DSCAM: variants seen among roughly 807,000 people sequenced by gnomAD.
DSCAM encodes the protein cell adhesion molecule DSCAM.
A neutral mutation model predicts 217.7 loss-of-function variants in DSCAM; 47 were observed. The ratio of observed to expected loss-of-function variants is 0.22; its 90% CI spans 0.17 to 0.28. The LOEUF is 0.28. DSCAM is among the 10% of genes least tolerant of loss of function. DSCAM has a pLI of 1.00. For synonymous variants in DSCAM, 1,056 were observed against 1,015.3 expected (o/e 1.04, Z -0.76); for missense variants, 2,080 against 2,618.3 (o/e 0.79, Z 4.49).
intron 20 of DSCAM, among the ~76,000 whole-genome samples, chr21:40,104,881 A>T (rs1193966309): frequency 6.6e-6 from 1 of 152,184 alleles, no homozygotes; most frequent in African/African-American, 2.4e-5. Context: ...CAAGTTTTTT[A>T]AAGGCATTTT....
chr21:40,168,043 AGAGT>A (rs1245351711), intron 15 of DSCAM, among the ~76,000 whole-genome samples: 2 of 152,252 alleles, frequency 1.3e-5, no homozygotes, highest in Non-Finnish European at 2.9e-5. Flanking sequence ...CCTGGGCGAC[AGAGT>A]GAGACTCCAT....
chr21:40,045,447 C>A (rs1405497749), intron 30 of DSCAM, among the ~76,000 whole-genome samples: 2 of 152,132 alleles, frequency 1.3e-5, no homozygotes, highest in African/African-American at 2.4e-5. Context: ...AAATCTGGAA[C>A]CAAAGGCAGC....
At chr21:40,728,844 T>G (rs754895314) in intron 1 of DSCAM, among the ~76,000 whole-genome samples, 7 of 152,160 alleles carry the variant, frequency 4.6e-5, no homozygotes, top group Non-Finnish European at 7.3e-5. Flanking sequence ...CTGCACTAGG[T>G]GAGAAGTCAG....
chr21:40,304,829 T>G (rs937779663), intron 9 of DSCAM, among the ~76,000 whole-genome samples: 4 of 152,156 alleles, frequency 2.6e-5, no homozygotes, highest in African/African-American at 9.7e-5. Context: ...ACAACATTTA[T>G]CGATTAAGTT....
At chr21:40,844,295 T>C (rs1056592331) in intron 1 of DSCAM, among the ~76,000 whole-genome samples, 9 of 152,208 alleles carry the variant, frequency 5.9e-5, no homozygotes, top group African/African-American at 2.2e-4. Context: ...CACCATACCT[T>C]AGAAAACTGT....
intron 3 of DSCAM, among the ~76,000 whole-genome samples, chr21:40,528,342 G>C (rs897349512): frequency 6.6e-6 from 1 of 152,126 alleles, no homozygotes; most frequent in African/African-American, 2.4e-5. Flanking sequence ...TTGGCCTCCA[G>C]TTCTCATAAT....
rs547417600 is a variant in DSCAM at position 40,036,985 on chromosome 21, C to G, written c.5686+5386G>C. Among the ~76,000 whole-genome samples, 935 of 150,754 alleles carry G rather than the reference C, an allele frequency of 6.2e-3. 87 individuals carry two copies. The highest frequency in any genetic ancestry group is 0.022 in the African/African-American group (893 of 40,094). On this transcript the variant is annotated intron_variant, in intron 32 of 32. Coordinates refer to ENST00000400454, the MANE Select transcript of DSCAM (RefSeq NM_001389.5). ...TCAACAACCCTTCATGCTAAAAACT[C>G]TTAATAAATTAGGTATTGATGGGAC...
intron 17 of DSCAM, 54 bp from the exon 18 acceptor site, chr21:40,142,758 CA>C (rs1389890861): frequency 2.7e-6 from 4 of 1,458,796 alleles, no homozygotes; most frequent in Non-Finnish European, 3.6e-6. Context: ...ATGAGCAAAG[CA>C]ATAACCGAAA....
chr21:40,523,768 T>C (rs2076378215), intron 3 of DSCAM, among the ~76,000 whole-genome samples: 1 of 152,054 alleles, frequency 6.6e-6, no homozygotes, highest in Admixed American at 6.6e-5. Flanking sequence ...CACCTGCACA[T>C]GCTAAACCAA....
At chr21:40,825,478 C>T (rs551721465) in intron 1 of DSCAM, among the ~76,000 whole-genome samples, 95 of 152,130 alleles carry the variant, frequency 6.2e-4, no homozygotes, top group African/African-American at 2.0e-3. Flanking sequence ...CCACCACGCC[C>T]GGCTAATTTT....
rs2076656949 is a variant in DSCAM, at chr21:40,554,642, TCTC to T, written c.508+138165_508+138167del. The stretch of plus-strand genomic sequence containing the variant: ...TCCACTCACATAGAGGGAGACATAC[TCTC>T]CTCCTATGCTGTATTGCACTAAATT... On this transcript the variant is annotated intron_variant, in intron 3 of 32. Coordinates refer to ENST00000400454, the MANE Select transcript of DSCAM (RefSeq NM_001389.5). Among the ~76,000 whole-genome samples, 4 of 152,306 alleles carry T rather than the reference TCTC, an allele frequency of 2.6e-5. No homozygotes were observed. The South Asian group carries it at 8.3e-4, about 32-fold the overall frequency.
chr21:40,105,299 G>C (rs1395661506), intron 20 of DSCAM, among the ~76,000 whole-genome samples: 3 of 152,118 alleles, frequency 2.0e-5, no homozygotes, highest in Non-Finnish European at 4.4e-5. Context: ...CAGAAAGATT[G>C]AGTAGTTATT....
intron 18 of DSCAM, among the ~76,000 whole-genome samples, chr21:40,135,031 C>T (rs962230443): frequency 3.9e-5 from 6 of 152,198 alleles, no homozygotes; most frequent in African/African-American, 1.2e-4. Flanking sequence ...ATATGATACA[C>T]GGCAATTTGA....
chr21:40,100,732 G>A (rs2089739721), intron 20 of DSCAM, among the ~76,000 whole-genome samples: 1 of 151,760 alleles, frequency 6.6e-6, no homozygotes, highest in Non-Finnish European at 1.5e-5. Flanking sequence ...TCACAATGGA[G>A]TTTCTTAGGG....
intron 4 of DSCAM, among the ~76,000 whole-genome samples, chr21:40,359,268 G>A (rs1038701380): frequency 2.0e-5 from 3 of 152,186 alleles, no homozygotes; most frequent in Non-Finnish European, 2.9e-5. Context: ...CAGCAAAAAT[G>A]CTTAAGAATG....
At chr21:40,388,515 C>A (rs2075106474) in intron 3 of DSCAM, among the ~76,000 whole-genome samples, 1 of 152,120 alleles carries the variant, frequency 6.6e-6, no homozygotes, top group Non-Finnish European at 1.5e-5. Flanking sequence ...CACATCTTAA[C>A]CTGGCAGGCA....
intron 32 of DSCAM, among the ~76,000 whole-genome samples, chr21:40,021,343 G>C (rs983757208): frequency 1.6e-4 from 25 of 152,184 alleles, no homozygotes; most frequent in Non-Finnish European, 1.5e-5. Flanking sequence ...AGGAGCAGTG[G>C]AGGAAGAGGG....
At position 40,602,689 on chromosome 21, in the gene DSCAM, T is replaced by C. The variant is rs539919428; in HGVS notation, c.508+90121A>G. Among the ~76,000 whole-genome samples, 161 of 152,290 alleles carry C rather than the reference T, an allele frequency of 1.1e-3. No homozygotes were observed. The Middle Eastern group carries it at 0.017, about 16-fold the overall frequency. On this transcript the variant is annotated intron_variant, in intron 3 of 32. Coordinates refer to ENST00000400454, the MANE Select transcript of DSCAM (RefSeq NM_001389.5). ...AAAGCATTCCTGATGAGTTCTCTTT[T>C]ATTTCCAATATTAATAATTCATGTC...
At chr21:40,221,450 TAA>T (rs965684939) in intron 11 of DSCAM, among the ~76,000 whole-genome samples, 3 of 148,558 alleles carry the variant, frequency 2.0e-5, no homozygotes, top group African/African-American at 7.3e-5. Context: ...ATAAATAACA[TAA>T]AATATATATG....
Sources: gnomAD v4.1 joint callset for allele counts (sites outside exome capture counted in the v4.1 genomes callset) on GRCh38, gnomAD v4.1.1 for gene constraint, MANE v1.5 for transcripts, NCBI Gene and HGNC (gene_info 2026-07-23, HGNC 2026-07-21) for gene names.